HDDC2: variants seen among roughly 807,000 people sequenced by gnomAD.
The protein encoded by HDDC2 is HD domain containing 2.
In HDDC2, 25 loss-of-function variants were observed where a neutral mutation model predicts 25.5. That is an observed-to-expected ratio of 0.98 (90% CI 0.72 to 1.37). The LOEUF (loss-of-function observed/expected upper bound fraction) is 1.37. Among genes scored for constraint, HDDC2 ranks in the 40% most tolerant of loss-of-function variants. HDDC2 has a pLI of 0.00. For synonymous variants in HDDC2, 106 were observed against 89.7 expected, an observed-to-expected ratio of 1.18 and a Z score of -1.03; for missense variants, 264 against 253.1, an observed-to-expected ratio of 1.04 and a Z score of -0.29.
chr6:125,277,927 G>A (rs1242461261), intron 4 of HDDC2: 1 of 152,110 alleles, frequency 6.6e-6, no homozygotes, highest in Non-Finnish European at 1.5e-5. Flanking sequence ...TGCAGACTTG[G>A]AACAAGAAGC....
intron 4 of HDDC2, among the ~76,000 whole-genome samples, chr6:125,290,224 A>C (rs1241641107): frequency 6.6e-6 from 1 of 152,220 alleles, no homozygotes; most frequent in Non-Finnish European, 1.5e-5. Flanking sequence ...AATAGAGCTT[A>C]CTATGTGCCA....
chr6:125,298,696 T>G lies in HDDC2; in HGVS notation c.309+18A>C. On this transcript the variant is annotated intron_variant, in intron 3 of 5. Transcript: ENST00000398153. ...GTTTTTCTGGTGGTTTTTTGCACAG[T>G]CAATAGTCAACACTGACCTCTTCTC... The G allele has an allele frequency of 1.3e-6, 2 of 1,594,402 alleles. No individual in the cohort carries two copies. The highest frequency in any genetic ancestry group is 1.7e-6 in the Non-Finnish European group (2 of 1,162,006).
intron 4 of HDDC2, among the ~76,000 whole-genome samples, chr6:125,288,634 GAAAAA>G (rs531654785): frequency 2.6e-5 from 4 of 151,304 alleles, no homozygotes; most frequent in Non-Finnish European, 5.9e-5. Flanking sequence ...AAATTTACAA[GAAAAA>G]AACAAACAAC....
intron 4 of HDDC2, among the ~76,000 whole-genome samples, chr6:125,290,770 G>A (rs951481863): frequency 6.6e-6 from 1 of 152,168 alleles, no homozygotes; most frequent in African/African-American, 2.4e-5. Flanking sequence ...TCTTTATCAG[G>A]CTTCATTAAT....
At chr6:125,286,436 G>T (rs1040500932) in intron 4 of HDDC2, among the ~76,000 whole-genome samples, 2 of 152,234 alleles carry the variant, frequency 1.3e-5, no homozygotes, top group African/African-American at 4.8e-5. Flanking sequence ...TTCTGAGACT[G>T]CTTCATGTGT....
intron 4 of HDDC2, among the ~76,000 whole-genome samples, chr6:125,289,640 C>A (rs751093626): frequency 1.3e-5 from 2 of 152,310 alleles, no homozygotes; most frequent in South Asian, 4.1e-4. Context: ...GACTCTCCCT[C>A]CAGGGTTCTG....
chr6:125,284,322 T>C (rs1158435570), intron 4 of HDDC2, among the ~76,000 whole-genome samples: 2 of 152,108 alleles, frequency 1.3e-5, no homozygotes, highest in Non-Finnish European at 2.9e-5. Context: ...TGGGATCTAA[T>C]TAAACTAAAG....
At chr6:125,300,114 C>T (rs759678502) in intron 2 of HDDC2, among the ~76,000 whole-genome samples, 1 of 152,150 alleles carries the variant, frequency 6.6e-6, no homozygotes, top group Non-Finnish European at 1.5e-5. Flanking sequence ...TAACACTTGT[C>T]GATTAAATGA....
At chr6:125,281,452 G>A (rs573503050) in intron 4 of HDDC2, among the ~76,000 whole-genome samples, 14 of 152,104 alleles carry the variant, frequency 9.2e-5, no homozygotes, top group Non-Finnish European at 1.5e-4. Flanking sequence ...AGGAAGCTAA[G>A]AATCTTGATA....
chr6:125,286,105 T>C (rs150830968), intron 4 of HDDC2, among the ~76,000 whole-genome samples: 108 of 152,284 alleles, frequency 7.1e-4, no homozygotes, highest in Non-Finnish European at 1.3e-3. Flanking sequence ...AGAGAAACTA[T>C]TAATAACATG....
At chr6:125,292,028 A>G (rs541807238) in intron 4 of HDDC2, among the ~76,000 whole-genome samples, 1 of 152,212 alleles carries the variant, frequency 6.6e-6, no homozygotes, top group South Asian at 2.1e-4. Flanking sequence ...GGGCCTGAGT[A>G]AGGAAGTAGA....
At chr6:125,277,004 T>C (rs1269420313) in intron 5 of HDDC2, 98 bp downstream of exon 5, 3 of 1,203,204 alleles carry the variant, frequency 2.5e-6, no homozygotes, top group East Asian at 2.3e-5. Context: ...AAGGGTCAGA[T>C]GAAGGTACCA....
intron 3 of HDDC2, among the ~76,000 whole-genome samples, chr6:125,296,819 G>C (rs1027314699): frequency 6.6e-6 from 1 of 152,206 alleles, no homozygotes. Context: ...CTCTGTGCCT[G>C]TCCATGGGGT....
intron 4 of HDDC2, among the ~76,000 whole-genome samples, chr6:125,288,479 G>A (rs1393465209): frequency 6.6e-6 from 1 of 152,174 alleles, no homozygotes; most frequent in Non-Finnish European, 1.5e-5. Context: ...GGGACAAGGA[G>A]TCCAAGCAGG....
chr6:125,297,315 G>T (rs1310220528), intron 3 of HDDC2, among the ~76,000 whole-genome samples: 1 of 152,156 alleles, frequency 6.6e-6, no homozygotes, highest in East Asian at 1.9e-4. Flanking sequence ...TTCATATAGA[G>T]AAACATTTCC....
At chr6:125,282,377 A>G (rs556620974) in intron 4 of HDDC2, among the ~76,000 whole-genome samples, 13 of 152,218 alleles carry the variant, frequency 8.5e-5, no homozygotes, top group South Asian at 6.2e-4. Flanking sequence ...AGAAAAAAGA[A>G]AAGATTTTCA....
At chr6:125,285,711 G>C (rs753988112) in intron 4 of HDDC2, among the ~76,000 whole-genome samples, 6 of 151,794 alleles carry the variant, frequency 4.0e-5, no homozygotes, top group Non-Finnish European at 7.4e-5. Context: ...TATTAACCCA[G>C]AATAAGCAAC....
intron 1 of HDDC2, among the ~76,000 whole-genome samples, chr6:125,301,577 T>C (rs899455179): frequency 2.7e-5 from 4 of 150,758 alleles, no homozygotes; most frequent in African/African-American, 5.0e-5. Flanking sequence ...CTCCGGGAAC[T>C]GGCGCGGCTG....
chr6:125,301,031 T>C (rs1455180532), intron 1 of HDDC2, among the ~76,000 whole-genome samples: 3 of 152,058 alleles, frequency 2.0e-5, no homozygotes, highest in Non-Finnish European at 4.4e-5. Context: ...AAACACTGTA[T>C]TGAAGGGTCT....
Sources: allele counts gnomAD v4.1 joint callset (sites outside exome capture counted in the v4.1 genomes callset), GRCh38; gene constraint gnomAD v4.1.1; transcripts MANE v1.5; gene names NCBI Gene and HGNC (gene_info 2026-07-23, HGNC 2026-07-21).